Variants in ANKRD11 observed in about 807,000 individuals in gnomAD.
ANKRD11 encodes the protein ankyrin repeat domain 11, also known as ankyrin repeat domain-containing protein 11.
ANKRD11 carries 17 observed loss-of-function variants against 195.7 expected under a neutral mutation model. That is an observed-to-expected ratio of 0.09 (90% confidence interval 0.06 to 0.13). The LOEUF (loss-of-function observed/expected upper bound fraction) is 0.13. Among genes scored for constraint, ANKRD11 ranks in the 10% least tolerant of loss-of-function variants. The pLI, the probability that ANKRD11 is intolerant of heterozygous loss-of-function variation, is 1.00. For missense variants in ANKRD11, 3,735 were observed against 3,566.1 expected (o/e 1.05, Z -1.21); for synonymous variants, 1,953 against 1,528.1 (o/e 1.28, Z -6.49).
intron 1 of ANKRD11, among the ~76,000 whole-genome samples, chr16:89,456,458 GA>G (rs909673608): frequency 3.5e-4 from 53 of 151,366 alleles, no homozygotes; most frequent in African/African-American, 1.3e-3. Context: ...TGAGGCAGGA[GA>G]ATCACTTGAA....
chr16:89,397,776 G>A (rs1398542245), intron 2 of ANKRD11, among the ~76,000 whole-genome samples: 1 of 152,240 alleles, frequency 6.6e-6, no homozygotes, highest in Non-Finnish European at 1.5e-5. Context: ...GACAGGCAAG[G>A]GACTGGAGTG....
chr16:89,346,324 C>T (rs1448526701), intron 2 of ANKRD11, among the ~76,000 whole-genome samples: 2 of 151,708 alleles, frequency 1.3e-5, no homozygotes, highest in East Asian at 3.9e-4. Context: ...TATTAAAGTG[C>T]CTTTCAGTAA....
chr16:89,339,656 A>T (rs572930380), intron 2 of ANKRD11, among the ~76,000 whole-genome samples: 33 of 152,282 alleles, frequency 2.2e-4, no homozygotes, highest in Admixed American at 1.7e-3. Context: ...TTCCTTTAAA[A>T]TTTTTCAAGC....
At chr16:89,418,606 AC>A (rs2042392586) in intron 1 of ANKRD11, 1 of 190,254 alleles carries the variant, frequency 5.3e-6, no homozygotes, top group South Asian at 8.9e-5. Context: ...AAAGTCCAGC[AC>A]AAAAAAGAGT....
chr16:89,488,395 C>G (rs927400424), intron 1 of ANKRD11, among the ~76,000 whole-genome samples: 2 of 151,836 alleles, frequency 1.3e-5, no homozygotes, highest in African/African-American at 4.8e-5. Context: ...ACCAACTATA[C>G]GAGATCCAAT....
chr16:89,469,026 A>G (rs1334009204), intron 1 of ANKRD11, among the ~76,000 whole-genome samples: 1 of 152,152 alleles, frequency 6.6e-6, no homozygotes, highest in African/African-American at 2.4e-5. Context: ...AACCTCATAA[A>G]GTGCCTTTAT....
chr16:89,338,852 C>T (rs1276432779), intron 2 of ANKRD11, among the ~76,000 whole-genome samples: 1 of 151,578 alleles, frequency 6.6e-6, no homozygotes, highest in Non-Finnish European at 1.5e-5. Flanking sequence ...CCTTTCTTAG[C>T]TAAAAGGTTT....
At chr16:89,488,285 T>G (rs995256669) in intron 1 of ANKRD11, among the ~76,000 whole-genome samples, 2 of 152,090 alleles carry the variant, frequency 1.3e-5, no homozygotes, top group Non-Finnish European at 2.9e-5. Context: ...TCCCATCCAG[T>G]TCCATTCAGA....
chr16:89,489,874 A>T (rs1597580196), intron 1 of ANKRD11, among the ~76,000 whole-genome samples: 1 of 115,218 alleles, frequency 8.7e-6, no homozygotes, highest in Non-Finnish European at 1.8e-5. Context: ...GGCCCCTCAG[A>T]GCCGCCGCGG....
chr16:89,463,287 A>G (rs2056765358), intron 1 of ANKRD11, among the ~76,000 whole-genome samples: 1 of 152,242 alleles, frequency 6.6e-6, no homozygotes, highest in Admixed American at 6.5e-5. Flanking sequence ...GTCTGTGTAG[A>G]AAGAAGTAGA....
At chr16:89,446,789 A>C (rs2152307027) in intron 1 of ANKRD11, among the ~76,000 whole-genome samples, 1 of 152,202 alleles carries the variant, frequency 6.6e-6, no homozygotes, top group South Asian at 2.1e-4. Flanking sequence ...CCCTTCTCAC[A>C]CACAGCCTCC....
chr16:89,457,121 G>A (rs369382360), intron 1 of ANKRD11, among the ~76,000 whole-genome samples: 4,194 of 150,344 alleles, frequency 0.028, 206 homozygotes, highest in African/African-American at 0.095. Context: ...CACTACGCCC[G>A]GCTAATTTTT....
At position 89,405,139 on chromosome 16, in the gene ANKRD11, A is replaced by C. The variant is rs1414535616; in HGVS notation, c.-60+13145T>G. On this transcript the variant is annotated intron_variant, in intron 2 of 12. Transcript: ENST00000301030. ...TCACGGTGGAGGCGAGGTTGCGGTG[A>C]GTGGAGATCACGCCATTGCACTCCA... is the stretch of plus-strand genomic sequence containing the variant. Among the ~76,000 whole-genome samples the C allele has an allele frequency of 2.0e-5, 3 of 152,092 alleles. No individual in the cohort carries two copies. In the East Asian group the frequency reaches 5.8e-4, roughly 29 times the overall value.
intron 2 of ANKRD11, among the ~76,000 whole-genome samples, chr16:89,387,246 T>A (rs2040953927): frequency 6.7e-6 from 1 of 149,420 alleles, no homozygotes; most frequent in Non-Finnish European, 1.5e-5. Flanking sequence ...AAAAAAAGCA[T>A]CTCTCAAGGG....
intron 2 of ANKRD11, among the ~76,000 whole-genome samples, chr16:89,406,695 G>A (rs146182809): frequency 1.8e-4 from 28 of 152,280 alleles, no homozygotes; most frequent in African/African-American, 6.3e-4. Flanking sequence ...GAGGAAGGAA[G>A]GACAGACTTC....
rs543975881 is a variant in ANKRD11, at chr16:89,336,317, C to T, written c.-59-19239G>A. On this transcript the variant is annotated intron_variant, in intron 2 of 12. Transcript: ENST00000301030. The stretch of plus-strand genomic sequence containing the variant: ...CACCAAATGCACACACGCCAGGGCA[C>T]GCAACTGCCCGCACCTCCAAGATTG... 1.2e-3 allele frequency among the ~76,000 whole-genome samples: 180 copies of T among 152,340 alleles called. 2 individuals carry two copies. Among genetic ancestry groups the T allele is most frequent in the African/African-American group, 4.0e-3 (168 of 41,570 alleles).
At chr16:89,458,534 A>G (rs913709784) in intron 1 of ANKRD11, among the ~76,000 whole-genome samples, 1 of 152,112 alleles carries the variant, frequency 6.6e-6, no homozygotes, top group Non-Finnish European at 1.5e-5. Context: ...ACGTAATTTC[A>G]TTTCTTAGGA....
In ANKRD11 at chr16:89,281,321, C is replaced by T. The variant is rs541046005; in HGVS notation, c.5221G>A (p.Asp1741Asn). ...DYADLVFDCA[D>N]SQHSTPVPTA... ...GGCACGGGCGTGGAGTGCTGCGAGT[C>T]GGCGCAGTCGAACACGAGGTCCGCG... Residue 1741 changes from aspartate to asparagine, a missense_variant, in exon 9 of 13, where the codon GAC becomes AAC. Coordinates refer to ENST00000301030, the MANE Select transcript of ANKRD11 (RefSeq NM_013275.6). This position sits in a 1 kb window ranked among gnomAD's most constrained non-coding sequence, Gnocchi z 5.5. The T allele has an allele frequency of 3.5e-5, 56 of 1,613,830 alleles. No homozygotes were observed. Among genetic ancestry groups the T allele is most frequent in the East Asian group, 6.7e-5 (3 of 44,876 alleles).
Position 89,282,574 on chromosome 16 carries a change from A to G in ANKRD11, c.3968T>C (p.Val1323Ala). Reference sequence around the variant, plus strand: ...GTCTCCAGGTGGCTCCGTGAAAGAGACCTCCAGGAAGGCAGTCAGCCCCGG... The same window carrying G: ...GTCTCCAGGTGGCTCCGTGAAAGAGGCCTCCAGGAAGGCAGTCAGCCCCGG... ...QEPGLTAFLE[V>A]SFTEPPGDDK... The change falls in exon 9 of 13, where the codon GTC (valine) becomes GCC (alanine). Residue 1323 changes from valine (V) to alanine (A), a missense_variant. Val to Ala is a moderately conservative substitution (Grantham distance 64). Coordinates refer to ENST00000301030, the MANE Select transcript of ANKRD11 (RefSeq NM_013275.6). 1.2e-6 allele frequency: 2 copies of G among 1,612,600 alleles called. No individual in the cohort carries two copies. Among genetic ancestry groups the G allele is most frequent in the Non-Finnish European group, 1.7e-6 (2 of 1,179,626 alleles).
Sources: gnomAD v4.1 joint callset for allele counts (sites outside exome capture counted in the v4.1 genomes callset) on GRCh38, gnomAD v4.1.1 for gene constraint, Gnocchi (gnomAD v3.1) non-coding constraint, MANE v1.5 for transcripts, NCBI Gene and HGNC (gene_info 2026-07-23, HGNC 2026-07-21) for gene names.